SHANK2: variants seen among roughly 807,000 people sequenced by gnomAD.
SHANK2 encodes SH3 and multiple ankyrin repeat domains protein 2.
Under a neutral mutation model 133.7 loss-of-function variants are expected in SHANK2, and 43 were observed. That is an observed-to-expected ratio of 0.32 (90% CI 0.25 to 0.41). The LOEUF is 0.41. SHANK2 is among the 10% of genes least tolerant of loss of function. The pLI is 1.00. For synonymous variants in SHANK2, 1,017 were observed against 952.8 expected, an observed-to-expected ratio of 1.07 and a Z score of -1.24; for missense variants, 1,994 against 2,235.8, an observed-to-expected ratio of 0.89 and a Z score of 2.18.
intron 11 of SHANK2, among the ~76,000 whole-genome samples, chr11:70,822,572 G>A (rs11237605): frequency 3.8e-4 from 54 of 143,660 alleles, no homozygotes; most frequent in South Asian, 1.6e-3. Flanking sequence ...CAGAGGTGGC[G>A]CTGGCAGAGT....
chr11:70,615,679 C>T (rs1017734720), intron 17 of SHANK2, among the ~76,000 whole-genome samples: 25 of 152,160 alleles, frequency 1.6e-4, no homozygotes, highest in African/African-American at 5.3e-4. Context: ...GCTGTGTGGG[C>T]GGCTGGCTCA....
intron 15 of SHANK2, chr11:70,669,249 G>A (rs1463013535): frequency 2.6e-5 from 4 of 152,318 alleles, no homozygotes; most frequent in Non-Finnish European, 4.4e-5. Context: ...GCTGTGAGTG[G>A]TCTGTGGGGA....
intron 2 of SHANK2, among the ~76,000 whole-genome samples, chr11:71,159,318 C>T (rs1952964532): frequency 3.3e-5 from 5 of 152,194 alleles, no homozygotes; most frequent in Admixed American, 3.3e-4. Context: ...TCTCAGCTTC[C>T]ACCTTCACAT....
chr11:71,174,857 A>C (rs1953394907), intron 2 of SHANK2: 1 of 152,004 alleles, frequency 6.6e-6, no homozygotes, highest in Non-Finnish European at 1.5e-5. Context: ...GTCTCAAAAG[A>C]AAAAAAAGAA....
At chr11:70,498,046 G>A (rs1313698756) in intron 21 of SHANK2, among the ~76,000 whole-genome samples, 1 of 152,228 alleles carries the variant, frequency 6.6e-6, no homozygotes, top group Non-Finnish European at 1.5e-5. Context: ...GCTGCATGGG[G>A]CTGCTCCACC....
intron 10 of SHANK2, among the ~76,000 whole-genome samples, chr11:70,904,353 C>A (rs911566613): frequency 3.3e-5 from 5 of 152,100 alleles, no homozygotes; most frequent in African/African-American, 1.2e-4. Flanking sequence ...GGACTGCAAT[C>A]CCATGCCATC....
intron 17 of SHANK2, among the ~76,000 whole-genome samples, chr11:70,556,893 A>C (rs1392990548): frequency 6.7e-6 from 1 of 150,150 alleles, no homozygotes; most frequent in African/African-American, 2.5e-5. Context: ...TCTCATTTTA[A>C]ATTTTTTTTG....
chr11:70,885,668 C>T (rs1949729481), intron 11 of SHANK2, among the ~76,000 whole-genome samples: 1 of 152,176 alleles, frequency 6.6e-6, no homozygotes, highest in South Asian at 2.1e-4. Context: ...GAGCTCCGGC[C>T]TCACTGTCAC....
At chr11:70,767,287 G>A (rs1475444167) in intron 14 of SHANK2, among the ~76,000 whole-genome samples, 1 of 152,186 alleles carries the variant, frequency 6.6e-6, no homozygotes, top group Non-Finnish European at 1.5e-5. Flanking sequence ...AAGAAAGTTT[G>A]GCGGTTTTTC....
intron 2 of SHANK2, among the ~76,000 whole-genome samples, chr11:71,200,703 T>C (rs185643792): frequency 6.6e-6 from 1 of 152,194 alleles, no homozygotes; most frequent in African/African-American, 2.4e-5. Flanking sequence ...CAGACAGTAA[T>C]TCTCTTCCCA....
intron 21 of SHANK2, among the ~76,000 whole-genome samples, chr11:70,492,677 C>T (rs569458202): frequency 4.6e-5 from 7 of 152,208 alleles, no homozygotes; most frequent in Admixed American, 2.0e-4. Context: ...GAGGCATGCA[C>T]GAGGCATGGA....
intron 10 of SHANK2, among the ~76,000 whole-genome samples, chr11:70,948,693 G>A (rs1346399636): frequency 6.6e-6 from 1 of 152,206 alleles, no homozygotes; most frequent in Non-Finnish European, 1.5e-5. Flanking sequence ...GGGGAGTGTG[G>A]CAGGCTGAAG....
chr11:70,912,399 C>T (rs782688711), intron 10 of SHANK2, among the ~76,000 whole-genome samples: 4 of 151,970 alleles, frequency 2.6e-5, no homozygotes, highest in Non-Finnish European at 5.9e-5. Flanking sequence ...GGGAGGGACC[C>T]GGGGAGAGGT....
At position 70,820,534 on chromosome 11, in the gene SHANK2, C is replaced by T. The variant is rs782349957; in HGVS notation, c.1323G>A (p.Ser441=). 9.8e-6 allele frequency: 7 copies of T among 716,924 alleles called. No individual in the cohort carries two copies. The Admixed American group carries it at 1.2e-4, about 12-fold the overall frequency. 44.4% of individuals were successfully genotyped at this position (716,924 alleles called of 1,614,324 possible). The change falls in exon 12 of 26, where the codon TCG becomes TCA. Residue 441 remains serine (S), a synonymous_variant. Transcript: ENST00000601538. ...GCAGCTGGGGTGACAGGCTGCGGTGCGAGGTGGCCGTGGAGCAGACGGCCC... is the reference window on the plus strand; with the variant it reads ...GCAGCTGGGGTGACAGGCTGCGGTGTGAGGTGGCCGTGGAGCAGACGGCCC... The part of the protein sequence containing the change: ...PDWAVCSTAT[S]HRSLSPQLLQ...
rs1554974040 is a variant in SHANK2, at chr11:70,535,587, T to C, written c.2062-32656A>G. On this transcript the variant is annotated intron_variant, in intron 17 of 25. Coordinates refer to ENST00000601538, the MANE Select transcript of SHANK2 (RefSeq NM_012309.5). The surrounding 1 kb of genome is among the most constrained non-coding windows in gnomAD (Gnocchi z 4.3). ...ATCTCCCCGTCCTTCTGTCTGCTGG[T>C]GCATCTCATGTCTGTCAGGTTGCCT... Among the ~76,000 whole-genome samples, 3 of 152,254 alleles carry C rather than the reference T, an allele frequency of 2.0e-5. No homozygotes were observed. Among genetic ancestry groups the C allele is most frequent in the African/African-American group, 7.2e-5 (3 of 41,472 alleles).
intron 9 of SHANK2, among the ~76,000 whole-genome samples, chr11:71,073,817 C>A (rs1202299897): frequency 6.6e-6 from 1 of 152,128 alleles, no homozygotes; most frequent in Non-Finnish European, 1.5e-5. Context: ...GTGGGGGTAC[C>A]AGAACTATCC....
At chr11:70,594,200 T>C (rs782224039) in intron 17 of SHANK2, among the ~76,000 whole-genome samples, 2 of 152,336 alleles carry the variant, frequency 1.3e-5, no homozygotes, top group Non-Finnish European at 2.9e-5. Context: ...CCATTGGATA[T>C]GATTCGGCCA....
At chr11:70,822,707 T>C (rs11237610) in intron 11 of SHANK2, among the ~76,000 whole-genome samples, 5 of 97,268 alleles carry the variant, frequency 5.1e-5, no homozygotes, top group Admixed American at 2.3e-4. Flanking sequence ...CTGGCAGAGG[T>C]CATGGGGGAC....
chr11:71,078,655 C>T (rs1221054470), intron 8 of SHANK2, among the ~76,000 whole-genome samples: 10 of 152,198 alleles, frequency 6.6e-5, no homozygotes, highest in South Asian at 2.1e-4. Context: ...CCATAAGACA[C>T]GCCCATCAGT....
Sources: allele counts gnomAD v4.1 joint callset (sites outside exome capture counted in the v4.1 genomes callset), GRCh38; gene constraint gnomAD v4.1.1; non-coding constraint Gnocchi (gnomAD v3.1); transcripts MANE v1.5; gene names NCBI Gene and HGNC (gene_info 2026-07-23, HGNC 2026-07-21).